The following NDRG3 variants were observed in gnomAD, a reference collection of about 807,000 sequenced individuals.
The protein encoded by NDRG3 is NDRG family member 3.
NDRG3 carries 23 observed loss-of-function variants against 57.2 expected under a neutral mutation model. That is an observed-to-expected ratio of 0.40 (90% confidence interval 0.29 to 0.57). NDRG3 has a LOEUF of 0.57. NDRG3 is among the 20% of genes least tolerant of loss of function. The pLI is 0.42. For missense variants in NDRG3, 384 were observed against 457.3 expected, an observed-to-expected ratio of 0.84 and a Z score of 1.46; for synonymous variants, 132 against 162.6, an observed-to-expected ratio of 0.81 and a Z score of 1.43.
At chr20:36,745,303 GACA>G (rs1366961128) in intron 1 of NDRG3, among the ~76,000 whole-genome samples, 2 of 152,122 alleles carry the variant, frequency 1.3e-5, no homozygotes, top group African/African-American at 4.8e-5. Flanking sequence ...ATTGTACTCC[GACA>G]ACAAGAAAAT....
At chr20:36,654,971 A>C in intron 15 of NDRG3, 1 of 694,032 alleles carries the variant, frequency 1.4e-6, no homozygotes, top group South Asian at 1.5e-5. Context: ...GGTCCCAGAG[A>C]GGAGGTGAGG....
At chr20:36,681,205 A>C (rs1437287013) in intron 7 of NDRG3, among the ~76,000 whole-genome samples, 2 of 152,178 alleles carry the variant, frequency 1.3e-5, no homozygotes, top group African/African-American at 4.8e-5. Flanking sequence ...TGCGCTTGGC[A>C]CAAGCAGCTG....
At chr20:36,704,074 CT>C (rs1983405998) in intron 3 of NDRG3, among the ~76,000 whole-genome samples, 1 of 151,794 alleles carries the variant, frequency 6.6e-6, no homozygotes, top group Non-Finnish European at 1.5e-5. Flanking sequence ...AATTTTTTCT[CT>C]TTTTTTCCTT....
chr20:36,653,780 T>A lies in NDRG3; in HGVS notation c.947-79A>T. 1 of 1,343,546 alleles carries A rather than the reference T, an allele frequency of 7.4e-7. No individual in the cohort carries two copies. The highest frequency in any genetic ancestry group is 1.0e-6 in the Non-Finnish European group (1 of 976,538). 83.2% of individuals were successfully genotyped at this position (1,343,546 alleles called of 1,614,324 possible). A position where few individuals can be genotyped will look rare whatever the true frequency, so the allele number is the denominator to read the frequency against. ...AACCTAGGAGTCTCATCAAAGTCTT[T>A]ATGTTTAGCTTTTCCGACTCATTTA... On this transcript the variant is annotated intron_variant, in intron 15 of 15. Coordinates refer to ENST00000349004, the MANE Select transcript of NDRG3 (RefSeq NM_032013.4). This position sits in a 1 kb window ranked among gnomAD's most constrained non-coding sequence, Gnocchi z 4.2.
At chr20:36,745,288 CCT>C (rs1273588035) in intron 1 of NDRG3, among the ~76,000 whole-genome samples, 1 of 152,172 alleles carries the variant, frequency 6.6e-6, no homozygotes, top group Non-Finnish European at 1.5e-5. Context: ...TACAGTAACA[CCT>C]CAATTGTACT....
chr20:36,731,191 A>C (rs1688601395), intron 1 of NDRG3, among the ~76,000 whole-genome samples: 1 of 152,158 alleles, frequency 6.6e-6, no homozygotes, highest in Admixed American at 6.6e-5. Context: ...ACCAAACCAG[A>C]GATAAGGAGG....
chr20:36,708,686 AGTTC>A (rs1983694987), intron 2 of NDRG3, among the ~76,000 whole-genome samples: 1 of 151,730 alleles, frequency 6.6e-6, no homozygotes, highest in South Asian at 2.1e-4. Flanking sequence ...AAAAAGAAAT[AGTTC>A]TTTGGGATCC....
At chr20:36,702,908 T>A (rs1983328630) in intron 3 of NDRG3, among the ~76,000 whole-genome samples, 1 of 151,992 alleles carries the variant, frequency 6.6e-6, no homozygotes, top group Admixed American at 6.6e-5. Flanking sequence ...GGTCTTGAAC[T>A]CCCGACCTCA....
rs769469962 is a variant in NDRG3 at position 36,706,952 on chromosome 20, C to A, written c.93+20G>T. ...CAGAGATCCTGTACAGAGCCTCCTT[C>A]TTGCTTGTACAGTCCTTACCTGACA... On this transcript the variant is annotated intron_variant, in intron 3 of 15. Coordinates refer to ENST00000349004, the MANE Select transcript of NDRG3 (RefSeq NM_032013.4). 3.1e-6 allele frequency: 5 copies of A among 1,610,188 alleles called. No individual in the cohort carries two copies. In the African/African-American group the frequency reaches 6.7e-5, roughly 22 times the overall value.
At chr20:36,674,446 G>A (rs371916654) in intron 8 of NDRG3, among the ~76,000 whole-genome samples, 2 of 151,756 alleles carry the variant, frequency 1.3e-5, no homozygotes, top group Admixed American at 6.6e-5. Context: ...CAGGTGATCC[G>A]CCCACCTCGA....
At chr20:36,742,924 CA>C (rs1985987806) in intron 1 of NDRG3, among the ~76,000 whole-genome samples, 1 of 152,158 alleles carries the variant, frequency 6.6e-6, no homozygotes, top group Admixed American at 6.6e-5. Flanking sequence ...TGCTGCCTCC[CA>C]AAGGACCTTT....
At chr20:36,740,578 G>A (rs1434232929) in intron 1 of NDRG3, among the ~76,000 whole-genome samples, 2 of 152,218 alleles carry the variant, frequency 1.3e-5, no homozygotes, top group East Asian at 3.9e-4. Context: ...TCCTGACCTC[G>A]TGATCCGCCC....
intron 3 of NDRG3, among the ~76,000 whole-genome samples, chr20:36,696,877 C>T (rs1354788038): frequency 6.6e-6 from 1 of 152,200 alleles, no homozygotes; most frequent in Admixed American, 6.5e-5. Flanking sequence ...TTGGGATTCT[C>T]TTCCACAGCA....
intron 8 of NDRG3, among the ~76,000 whole-genome samples, chr20:36,676,388 T>C (rs1273332743): frequency 6.6e-6 from 1 of 152,256 alleles, no homozygotes. Flanking sequence ...AACATACACA[T>C]AACATTTGTA....
chr20:36,678,026 G>A (rs1223960563), intron 8 of NDRG3, among the ~76,000 whole-genome samples: 1 of 152,146 alleles, frequency 6.6e-6, no homozygotes, highest in Admixed American at 6.6e-5. Context: ...GCTTATATTT[G>A]TAAAGTCATT....
At chr20:36,739,425 C>G (rs1174761174) in intron 1 of NDRG3, among the ~76,000 whole-genome samples, 1 of 139,254 alleles carries the variant, frequency 7.2e-6, no homozygotes, top group African/African-American at 2.7e-5. Context: ...CCAGCTTGGG[C>G]AACGGAGTGA....
intron 2 of NDRG3, among the ~76,000 whole-genome samples, chr20:36,714,544 C>T (rs1208153467): frequency 2.0e-5 from 3 of 151,056 alleles, no homozygotes; most frequent in Non-Finnish European, 3.0e-5. Context: ...TGGGTTCAAG[C>T]CATTCTCCTG....
intron 10 of NDRG3, 122 bp downstream of exon 10, chr20:36,666,167 G>A (rs1043515096): frequency 1.2e-4 from 84 of 709,302 alleles, no homozygotes; most frequent in Non-Finnish European, 1.9e-4. Flanking sequence ...AGCCAGAAGG[G>A]GCTCACATTT....
intron 3 of NDRG3, among the ~76,000 whole-genome samples, chr20:36,690,050 G>C (rs1314311664): frequency 1.3e-5 from 2 of 152,066 alleles, no homozygotes; most frequent in African/African-American, 4.8e-5. Context: ...TCTAACTTCA[G>C]CTTGGCTCTC....
Sources: gnomAD v4.1 joint callset for allele counts (sites outside exome capture counted in the v4.1 genomes callset) on GRCh38, gnomAD v4.1.1 for gene constraint, Gnocchi (gnomAD v3.1) non-coding constraint, MANE v1.5 for transcripts, NCBI Gene and HGNC (gene_info 2026-07-23, HGNC 2026-07-21) for gene names.